The following COL6A5 variants were observed in gnomAD, a reference collection of about 807,000 sequenced individuals.
COL6A5 encodes the protein collagen type VI alpha 5 chain, also known as collagen alpha-5(VI) chain.
Under a neutral mutation model 65.6 loss-of-function variants are expected in COL6A5, and 48 were observed. That is an observed-to-expected ratio of 0.73 (90% CI 0.58 to 0.93). The LOEUF is 0.93. COL6A5 is among the 40% of genes least tolerant of loss of function. The pLI, the probability that COL6A5 is intolerant of heterozygous loss-of-function variation, is 0.00. For synonymous variants in COL6A5, 291 were observed against 322.8 expected, an observed-to-expected ratio of 0.90 and a Z score of 1.05; for missense variants, 914 against 928.3, an observed-to-expected ratio of 0.98 and a Z score of 0.20.
intron 24 of COL6A5, 102 bp from the exon 25 acceptor site, chr3:130,418,767 C>T: frequency 1.2e-6 from 1 of 865,624 alleles, no homozygotes; most frequent in Non-Finnish European, 1.9e-6. Flanking sequence ...ACTGACCCCT[C>T]ACTGAGAACC....
intron 5 of COL6A5, among the ~76,000 whole-genome samples, chr3:130,460,670 G>A (rs1160423635): frequency 6.6e-6 from 1 of 152,014 alleles, no homozygotes; most frequent in African/African-American, 2.4e-5. Context: ...GGTCATGGTA[G>A]TAGTGAAGAT....
intron 4 of COL6A5, among the ~76,000 whole-genome samples, chr3:130,445,754 G>T (rs1316043015): frequency 9.2e-5 from 14 of 152,094 alleles, no homozygotes; most frequent in Non-Finnish European, 1.9e-4. Context: ...GATGATTCTC[G>T]TTCTCCTGAT....
intron 1 of COL6A5, among the ~76,000 whole-genome samples, chr3:130,356,957 A>G (rs956907212): frequency 2.6e-5 from 4 of 152,222 alleles, no homozygotes; most frequent in Non-Finnish European, 4.4e-5. Flanking sequence ...AAACAAACCT[A>G]TGTAAAATAG....
At chr3:130,456,626 T>C (rs867698870) in intron 5 of COL6A5, among the ~76,000 whole-genome samples, 3 of 152,088 alleles carry the variant, frequency 2.0e-5, no homozygotes, top group Non-Finnish European at 4.4e-5. Context: ...ATTAAAAATA[T>C]ATGTATTTTT....
chr3:130,358,396 T>G (rs1934997955), intron 1 of COL6A5, among the ~76,000 whole-genome samples: 1 of 152,066 alleles, frequency 6.6e-6, no homozygotes, highest in Non-Finnish European at 1.5e-5. Context: ...TTCAGCAAAG[T>G]GGTCAATATA....
intron 7 of COL6A5, 57 bp downstream of exon 40, chr3:130,471,983 C>T: frequency 2.0e-6 from 3 of 1,465,324 alleles, no homozygotes; most frequent in East Asian, 2.5e-5. Flanking sequence ...TGGATTTTCC[C>T]CTGGTGGAAG....
intron 7 of COL6A5, chr3:130,476,962 T>C: frequency 2.5e-6 from 2 of 809,828 alleles, no homozygotes. Flanking sequence ...TCAGAAAATA[T>C]CAGCTTGTCT....
In COL6A5 at chr3:130,374,810, A is replaced by G. The variant is rs191836574; in HGVS notation, c.67+1105A>G. On this transcript the variant is annotated intron_variant and NMD_transcript_variant, in intron 2 of 41. Transcript: ENST00000312481. ...TATATGCAGTCTGTTGTTGACTGAA[A>G]TGTCATTATGTCGTTGTGAAGCACA... Among the ~76,000 whole-genome samples the G allele has an allele frequency of 3.0e-4, 45 of 152,132 alleles. No homozygotes were observed. In the East Asian group the frequency reaches 4.1e-3, roughly 14 times the overall value.
At chr3:130,479,947 C>T (rs1710194461) in intron 7 of COL6A5, among the ~76,000 whole-genome samples, 1 of 151,930 alleles carries the variant, frequency 6.6e-6, no homozygotes, top group Non-Finnish European at 1.5e-5. Flanking sequence ...GTCTAAATGA[C>T]TGGATAACTG....
chr3:130,436,443 C>A (rs1429473374), intron 1 of COL6A5, among the ~76,000 whole-genome samples: 1 of 151,952 alleles, frequency 6.6e-6, no homozygotes, highest in East Asian at 1.9e-4. Context: ...ATATAGCAAT[C>A]TCCTAGGGAA....
At chr3:130,439,740 T>C (rs912436174) in intron 2 of COL6A5, 125 bp downstream of exon 34, 3 of 700,412 alleles carry the variant, frequency 4.3e-6, no homozygotes, top group Non-Finnish European at 7.3e-6. Flanking sequence ...GTTTTCTAGT[T>C]TTTCAATACC....
chr3:130,406,272 G>C (rs1497312), exon 17 of COL6A5: 1,108,414 of 1,548,012 alleles, frequency 0.72, 412,339 homozygotes, highest in Non-Finnish European at 0.77. Context: ...TTTTAGGGCT[G>C]TCATGGATTT....
At chr3:130,362,314 ATATATATATATATTTTTTTT>A (rs1304685255) in intron 1 of COL6A5, among the ~76,000 whole-genome samples, 6,088 of 15,432 alleles carry the variant, frequency 0.39, 297 homozygotes, top group Non-Finnish European at 0.4. Context: ...ATATATATAT[ATATATATATATATTTTTTTT>A]TTTTTTTTTT....
intron 7 of COL6A5, among the ~76,000 whole-genome samples, chr3:130,476,416 G>T (rs2107622483): frequency 6.6e-6 from 1 of 152,124 alleles, no homozygotes; most frequent in Non-Finnish European, 1.5e-5. Context: ...TTTATAGCAG[G>T]GGATATAATT....
At chr3:130,378,225 G>A (rs1935858649) in intron 3 of COL6A5, among the ~76,000 whole-genome samples, 1 of 152,024 alleles carries the variant, frequency 6.6e-6, no homozygotes, top group African/African-American at 2.4e-5. Context: ...TACCATGTCT[G>A]AAACAGAACA....
chr3:130,477,182 A>C, intron 7 of COL6A5: 2 of 892,006 alleles, frequency 2.2e-6, no homozygotes, highest in South Asian at 1.6e-5. Context: ...GAAATAATAC[A>C]ATCTATCTCT....
intron 4 of COL6A5, among the ~76,000 whole-genome samples, chr3:130,454,261 T>G (rs1436703084): frequency 6.6e-6 from 1 of 152,070 alleles, no homozygotes; most frequent in Non-Finnish European, 1.5e-5. Flanking sequence ...TAGACATTGG[T>G]AAAATATATA....
intron 27 of COL6A5, 26 bp from the exon 28 acceptor site, chr3:130,422,694 T>C (rs1937538435): frequency 1.4e-6 from 2 of 1,455,636 alleles, no homozygotes; most frequent in Middle Eastern, 1.7e-4. Flanking sequence ...CTTTAACATC[T>C]TGACTTTTTA....
intron 1 of COL6A5, among the ~76,000 whole-genome samples, chr3:130,351,727 A>C (rs990943863): frequency 2.0e-5 from 3 of 152,222 alleles, no homozygotes; most frequent in Non-Finnish European, 4.4e-5. Flanking sequence ...TATTAGTTCA[A>C]CCATTGTGGA....
Sources: allele counts gnomAD v4.1 joint callset (sites outside exome capture counted in the v4.1 genomes callset), GRCh38; gene constraint gnomAD v4.1.1; transcripts MANE v1.5; gene names NCBI Gene and HGNC (gene_info 2026-07-23, HGNC 2026-07-21).